UGP2: variants seen among roughly 807,000 people sequenced by gnomAD.
UGP2 encodes the protein UDP-glucose pyrophosphorylase 2.
Under a neutral mutation model 49.0 loss-of-function variants are expected in UGP2, and 40 were observed. The ratio of observed to expected loss-of-function variants is 0.82; its 90% CI spans 0.63 to 1.06. The LOEUF is 1.06. Among genes scored for constraint, UGP2 ranks in the 50% least tolerant of loss-of-function variants. The probability of loss-of-function intolerance (pLI) is 0.00; values close to 1 mark genes in which losing one functional copy is unlikely to be tolerated. For synonymous variants in UGP2, 225 were observed against 213.0 expected (o/e 1.06, Z -0.49); for missense variants, 460 against 603.5 (o/e 0.76, Z 2.49).
chr2:63,885,584 T>TA lies in UGP2; in HGVS notation c.576-2dup. On this transcript the variant is annotated splice_region_variant and splice_polypyrimidine_tract_variant and intron_variant, in intron 5 of 9. Coordinates refer to ENST00000337130, the MANE Select transcript of UGP2 (RefSeq NM_006759.4). ...TATTGAAAAAGAACTTTTTTTTTTT[T>TA]AAAGGTACCCGAGGATTAATAAAGA... is the stretch of plus-strand genomic sequence containing the variant. 2.0e-6 allele frequency: 3 copies of TA among 1,513,680 alleles called. No individual in the cohort carries two copies. The highest frequency in any genetic ancestry group is 1.3e-5 in the South Asian group (1 of 74,172). 93.8% of individuals were successfully genotyped at this position (1,513,680 alleles called of 1,614,324 possible).
At position 63,886,436 on chromosome 2, in the gene UGP2, G is replaced by C. The variant is rs1004789086; in HGVS notation, c.969G>C (p.Lys323Asn). Residue 323 changes from lysine to asparagine, a missense_variant, in exon 7 of 10, where the codon AAG becomes AAC. By Grantham distance (94) the Lys-to-Asn change is moderately conservative. This residue lies in a region of UGP2 where 317 missense variants were observed against 473.0 expected (regional missense o/e 0.67). Coordinates refer to ENST00000337130, the MANE Select transcript of UGP2 (RefSeq NM_006759.4). ...TAGACGAGTTCAAGTCTGTATCAAA[G>C]TTCAAAATATTTAATACAAACAACC... ...AHVDEFKSVS[K>N]FKIFNTNNLW... 3.1e-6 allele frequency: 5 copies of C among 1,614,166 alleles called. No individual in the cohort carries two copies. Among genetic ancestry groups the C allele is most frequent in the Non-Finnish European group, 4.2e-6 (5 of 1,180,018 alleles).
intron 7 of UGP2, among the ~76,000 whole-genome samples, chr2:63,886,893 G>C (rs1362017762): frequency 6.6e-6 from 1 of 152,154 alleles, no homozygotes; most frequent in African/African-American, 2.4e-5. Context: ...TGATATTACT[G>C]AACAGAAGAG....
At chr2:63,842,438 GTTAGTAGTACCGTCGC>G in intron 1 of UGP2, 1 of 1,556,190 alleles carries the variant, frequency 6.4e-7, no homozygotes, top group East Asian at 2.4e-5. Flanking sequence ...CTGAAATCAG[GTTAGTAGTACCGTCGC>G]TTTCCTGGAT....
At chr2:63,879,608 A>G (rs1671154252) in intron 3 of UGP2, among the ~76,000 whole-genome samples, 1 of 152,256 alleles carries the variant, frequency 6.6e-6, no homozygotes, top group Non-Finnish European at 1.5e-5. Context: ...CAATATTGTT[A>G]CACACATAGG....
intron 1 of UGP2, among the ~76,000 whole-genome samples, chr2:63,843,412 G>C (rs1280262776): frequency 6.6e-6 from 1 of 152,232 alleles, no homozygotes. Flanking sequence ...AGGCAGAACT[G>C]TTAGAAACGT....
At chr2:63,875,548 C>G (rs185134372) in intron 3 of UGP2, among the ~76,000 whole-genome samples, 1 of 152,146 alleles carries the variant, frequency 6.6e-6, no homozygotes, top group South Asian at 2.1e-4. Context: ...TTAAAAAGAT[C>G]TTTTTAAAAA....
chr2:63,842,852 A>T (rs912846567), intron 1 of UGP2, among the ~76,000 whole-genome samples: 1 of 152,228 alleles, frequency 6.6e-6, no homozygotes, highest in Non-Finnish European at 1.5e-5. Context: ...ATGTGTATTT[A>T]AAAAGGGTTA....
intron 1 of UGP2, among the ~76,000 whole-genome samples, chr2:63,844,129 C>T (rs953205693): frequency 6.6e-6 from 1 of 152,098 alleles, no homozygotes; most frequent in African/African-American, 2.4e-5. Flanking sequence ...AATATGACAC[C>T]TCCTCAAAAT....
At chr2:63,869,618 C>T (rs1375521893) in intron 3 of UGP2, among the ~76,000 whole-genome samples, 2 of 152,112 alleles carry the variant, frequency 1.3e-5, no homozygotes, top group African/African-American at 4.8e-5. Flanking sequence ...GATTCTGGCT[C>T]ACAAATACGT....
intron 9 of UGP2, 88 bp from the exon 10 acceptor site, chr2:63,891,032 A>G (rs1348821785): frequency 8.9e-7 from 1 of 1,127,638 alleles, no homozygotes; most frequent in African/African-American, 1.6e-5. Context: ...TGTAAAAAAA[A>G]AAAAGTTGTA....
intron 3 of UGP2, among the ~76,000 whole-genome samples, chr2:63,863,465 AT>A (rs1301750896): frequency 6.6e-6 from 1 of 152,168 alleles, no homozygotes; most frequent in African/African-American, 2.4e-5. Flanking sequence ...CATTTTGGAA[AT>A]TGCTACAATT....
At position 63,891,310 on chromosome 2, in the gene UGP2, C is replaced by A; in HGVS notation, c.*83C>A. 2 of 1,190,558 alleles carry A rather than the reference C, an allele frequency of 1.7e-6. No individual in the cohort carries two copies. Among genetic ancestry groups the A allele is most frequent in the Non-Finnish European group, 2.4e-6 (2 of 817,796 alleles). 73.7% of individuals were successfully genotyped at this position (1,190,558 alleles called of 1,614,324 possible). On this transcript the variant is annotated 3_prime_UTR_variant, in exon 10 of 10. Transcript: ENST00000337130. ...TCTAGGATTCTAAAATAGGCAGGTA[C>A]TTTACTATGTTACTGTACCCTGCAG...
intron 3 of UGP2, among the ~76,000 whole-genome samples, chr2:63,860,996 A>G (rs1485755390): frequency 6.6e-6 from 1 of 152,022 alleles, no homozygotes; most frequent in African/African-American, 2.4e-5. Context: ...GCTCTCAGTG[A>G]GTACATAGAT....
At chr2:63,867,870 A>G (rs1191312937) in intron 3 of UGP2, among the ~76,000 whole-genome samples, 1 of 152,186 alleles carries the variant, frequency 6.6e-6, no homozygotes, top group Non-Finnish European at 1.5e-5. Flanking sequence ...AGCCTAACAA[A>G]TTTTTGTTAT....
At chr2:63,858,634 C>A (rs371392255) in intron 3 of UGP2, among the ~76,000 whole-genome samples, 2 of 151,914 alleles carry the variant, frequency 1.3e-5, no homozygotes, top group Admixed American at 6.6e-5. Flanking sequence ...TTAACAGTTA[C>A]AATATGCATT....
intron 1 of UGP2, among the ~76,000 whole-genome samples, chr2:63,851,675 T>G (rs998536970): frequency 6.6e-6 from 1 of 152,222 alleles, no homozygotes; most frequent in Non-Finnish European, 1.5e-5. Context: ...GTATTTGAAG[T>G]GCATGGTTTC....
intron 1 of UGP2, among the ~76,000 whole-genome samples, chr2:63,842,970 A>G (rs1428516790): frequency 6.6e-6 from 1 of 152,198 alleles, no homozygotes. Context: ...AGTTTGTAGC[A>G]TGAGATTTGC....
At chr2:63,888,780 A>T (rs1040166941) in intron 8 of UGP2, 2 of 152,286 alleles carry the variant, frequency 1.3e-5, no homozygotes, top group African/African-American at 4.8e-5. Flanking sequence ...CTGGCTGGCA[A>T]TCCTTTTTTT....
At chr2:63,846,686 T>G (rs1210315810) in intron 1 of UGP2, among the ~76,000 whole-genome samples, 1 of 152,218 alleles carries the variant, frequency 6.6e-6, no homozygotes, top group Non-Finnish European at 1.5e-5. Flanking sequence ...TAATTATAAC[T>G]GGAGGGGTCT....
Sources: gnomAD v4.1 joint callset for allele counts (sites outside exome capture counted in the v4.1 genomes callset) on GRCh38, gnomAD v4.1.1 for gene constraint, gnomAD v4.1.1 regional missense constraint, MANE v1.5 for transcripts, NCBI Gene and HGNC (gene_info 2026-07-23, HGNC 2026-07-21) for gene names.